The following RBFOX1 variants were observed in gnomAD, a reference collection of about 807,000 sequenced individuals.
RBFOX1 encodes the protein RNA binding protein fox-1 homolog 1.
Under a neutral mutation model 57.7 loss-of-function variants are expected in RBFOX1, and 8 were observed. The ratio of observed to expected loss-of-function variants is 0.14; its 90% CI spans 0.08 to 0.25. The LOEUF is 0.25. Ranked by LOEUF, RBFOX1 falls within the 10% of genes least tolerant of loss-of-function variation. The probability of loss-of-function intolerance (pLI) is 1.00; values close to 1 mark genes in which losing one functional copy is unlikely to be tolerated. For synonymous variants in RBFOX1, 326 were observed against 222.4 expected (o/e 1.47, Z -4.15); for missense variants, 611 against 548.5 (o/e 1.11, Z -1.14).
At chr16:6,536,854 A>T (rs2153825958) in intron 2 of RBFOX1, among the ~76,000 whole-genome samples, 1 of 152,336 alleles carries the variant, frequency 6.6e-6, no homozygotes, top group East Asian at 1.9e-4. Flanking sequence ...ATGGGAATTA[A>T]ATAATGATAA....
chr16:7,219,649 C>G (rs895621406), intron 4 of RBFOX1, among the ~76,000 whole-genome samples: 3 of 152,170 alleles, frequency 2.0e-5, no homozygotes, highest in African/African-American at 7.2e-5. Context: ...TTTTGTCAAA[C>G]TCGGAGTAAA....
intron 1 of RBFOX1, among the ~76,000 whole-genome samples, chr16:6,121,261 G>A (rs551476264): frequency 6.6e-6 from 1 of 152,238 alleles, no homozygotes; most frequent in South Asian, 2.1e-4. Flanking sequence ...ACTCTGCTTT[G>A]AGACACAGAC....
At chr16:5,242,240 C>G (rs1241150675) in intron 1 of RBFOX1, among the ~76,000 whole-genome samples, 1 of 152,054 alleles carries the variant, frequency 6.6e-6, no homozygotes, top group African/African-American at 2.4e-5. Context: ...AGGCAGAAAC[C>G]CCACTGAATT....
chr16:6,090,764 T>C (rs2096159677), intron 1 of RBFOX1, among the ~76,000 whole-genome samples: 1 of 152,208 alleles, frequency 6.6e-6, no homozygotes, highest in African/African-American at 2.4e-5. Flanking sequence ...AATGACTCAG[T>C]CCTCTTTCTC....
chr16:6,855,574 A>T (rs1198266436), intron 3 of RBFOX1, among the ~76,000 whole-genome samples: 1 of 148,582 alleles, frequency 6.7e-6, no homozygotes, highest in Non-Finnish European at 1.5e-5. Flanking sequence ...AATGGCGTGA[A>T]CCCGAGAGGT....
intron 2 of RBFOX1, among the ~76,000 whole-genome samples, chr16:6,455,766 G>T (rs946089979): frequency 6.6e-6 from 1 of 152,102 alleles, no homozygotes; most frequent in African/African-American, 2.4e-5. Context: ...TGCTTTTATT[G>T]TATGATTACC....
rs140212755 is a variant in RBFOX1, at chr16:7,060,160, G to C, written c.27+8062G>C. 7.9e-5 allele frequency among the ~76,000 whole-genome samples: 12 copies of C among 152,238 alleles called. No homozygotes were observed. In the East Asian group the frequency reaches 2.3e-3, roughly 29 times the overall value. ...CCAGATTGTGACTATTTTAGGACCT[G>C]AAGGCCATAGGGTCTCCATTGCCCC... On this transcript the variant is annotated intron_variant, in intron 4 of 15. Coordinates refer to ENST00000550418, the MANE Select transcript of RBFOX1 (RefSeq NM_018723.4).
At chr16:6,387,602 A>G (rs539225480) in intron 2 of RBFOX1, among the ~76,000 whole-genome samples, 1 of 152,200 alleles carries the variant, frequency 6.6e-6, no homozygotes, top group South Asian at 2.1e-4. Context: ...GCTCAAGGTT[A>G]TGTGAAACAA....
At chr16:6,262,063 T>C (rs1267246231) in intron 1 of RBFOX1, among the ~76,000 whole-genome samples, 2 of 151,838 alleles carry the variant, frequency 1.3e-5, no homozygotes, top group Admixed American at 1.3e-4. Flanking sequence ...AAGATGGATA[T>C]TTTCTTTTTA....
intron 1 of RBFOX1, among the ~76,000 whole-genome samples, chr16:6,032,748 A>G (rs1464147486): frequency 6.6e-6 from 1 of 152,218 alleles, no homozygotes; most frequent in Non-Finnish European, 1.5e-5. Flanking sequence ...TGAAAAGATC[A>G]TGAGGCAACG....
At chr16:6,894,763 C>T (rs972658867) in intron 3 of RBFOX1, among the ~76,000 whole-genome samples, 1 of 152,000 alleles carries the variant, frequency 6.6e-6, no homozygotes, top group Non-Finnish European at 1.5e-5. Flanking sequence ...TCATTTTTTT[C>T]TATTATCTTA....
intron 3 of RBFOX1, among the ~76,000 whole-genome samples, chr16:5,711,336 AC>A (rs2051480421): frequency 6.6e-6 from 1 of 152,252 alleles, no homozygotes; most frequent in African/African-American, 2.4e-5. Context: ...GCCCAAGGTC[AC>A]ACAGCTAGTA....
intron 1 of RBFOX1, among the ~76,000 whole-genome samples, chr16:6,130,499 G>T (rs912514658): frequency 2.0e-5 from 3 of 152,098 alleles, no homozygotes; most frequent in South Asian, 2.1e-4. Flanking sequence ...GTGAAAACTA[G>T]AAGGCAAAAG....
At chr16:6,825,480 T>G (rs901728127) in intron 3 of RBFOX1, among the ~76,000 whole-genome samples, 5 of 152,122 alleles carry the variant, frequency 3.3e-5, no homozygotes, top group African/African-American at 1.2e-4. Flanking sequence ...AGTTGTGTGT[T>G]TAGAACAAAC....
At chr16:6,054,834 G>A (rs928877068) in intron 1 of RBFOX1, among the ~76,000 whole-genome samples, 1 of 152,028 alleles carries the variant, frequency 6.6e-6, no homozygotes, top group African/African-American at 2.4e-5. Context: ...CTGGGCTGGA[G>A]TGCAGTGACA....
chr16:6,136,354 G>A (rs916864891), intron 1 of RBFOX1, among the ~76,000 whole-genome samples: 5 of 152,202 alleles, frequency 3.3e-5, no homozygotes, highest in African/African-American at 1.2e-4. Context: ...TCGCAGTTGA[G>A]CCGTATTCCA....
At chr16:7,076,731 C>G (rs17669255) in intron 4 of RBFOX1, among the ~76,000 whole-genome samples, 2 of 152,234 alleles carry the variant, frequency 1.3e-5, no homozygotes, top group Non-Finnish European at 2.9e-5. Flanking sequence ...AAGATGTTCA[C>G]TCGTAACAGT....
At chr16:7,456,581 T>A (rs954236406) in intron 4 of RBFOX1, among the ~76,000 whole-genome samples, 1 of 152,186 alleles carries the variant, frequency 6.6e-6, no homozygotes, top group Non-Finnish European at 1.5e-5. Context: ...TCATTTCAAA[T>A]TGATTTTAAG....
intron 3 of RBFOX1, among the ~76,000 whole-genome samples, chr16:7,013,628 G>A (rs985637446): frequency 9.2e-5 from 14 of 152,162 alleles, no homozygotes; most frequent in African/African-American, 3.4e-4. Flanking sequence ...CTGGAATCAG[G>A]GAGGAGGGAG....
Sources: allele counts gnomAD v4.1 joint callset (sites outside exome capture counted in the v4.1 genomes callset), GRCh38; gene constraint gnomAD v4.1.1; transcripts MANE v1.5; gene names NCBI Gene and HGNC (gene_info 2026-07-23, HGNC 2026-07-21).